Variants in TUBB8 observed in about 807,000 individuals in gnomAD.
TUBB8 encodes the protein tubulin beta-8 chain.
Under a neutral mutation model 33.7 loss-of-function variants are expected in TUBB8, and 25 were observed. That is an observed-to-expected ratio of 0.74 (90% CI 0.54 to 1.04). The LOEUF (loss-of-function observed/expected upper bound fraction) is 1.04, where lower values mean the gene tolerates loss of function less well. Ranked by LOEUF, TUBB8 falls within the 50% of genes least tolerant of loss-of-function variation. The probability of loss-of-function intolerance (pLI) is 0.00; values close to 1 mark genes in which losing one functional copy is unlikely to be tolerated. For synonymous variants in TUBB8, 245 were observed against 240.1 expected, an observed-to-expected ratio of 1.02 and a Z score of -0.19; for missense variants, 279 against 608.0, an observed-to-expected ratio of 0.46 and a Z score of 5.69.
chr10:49,334 G>T (rs1588273123), upstream of TUBB8: 14 of 1,281,074 alleles, frequency 1.1e-5, no homozygotes, highest in Non-Finnish European at 1.3e-5. Flanking sequence ...AAATAGCCCC[G>T]CGCCCACCTC....
rs1554738922 is a variant in TUBB8, at chr10:48,914, T to C, written c.58-2A>G. 2 of 1,522,228 alleles carry C rather than the reference T, an allele frequency of 1.3e-6. No homozygotes were observed. Among genetic ancestry groups the C allele is most frequent in the Non-Finnish European group, 1.8e-6 (2 of 1,127,808 alleles). The allele number at this position is 1,522,228 out of a possible 1,614,324, so 94.3% of individuals were successfully genotyped here. A position where few individuals can be genotyped will look rare whatever the true frequency, so the allele number is the denominator to read the frequency against. ...TTCATCAGAGATCACCTCCCAGAAC[T>C]GCAAGAGACGGGAGGAGACAGACAG... is the stretch of plus-strand genomic sequence containing the variant. On this transcript the variant is annotated splice_acceptor_variant, in intron 1 of 3. Coordinates refer to ENST00000568584, the MANE Select transcript of TUBB8 (RefSeq NM_177987.3). LOFTEE classifies it high-confidence loss of function.
intron 1 of TUBB8, among the ~76,000 whole-genome samples, chr10:56,439 T>A (rs1163872911): frequency 6.6e-6 from 1 of 152,242 alleles, no homozygotes; most frequent in Non-Finnish European, 1.5e-5. Context: ...ATAAAGGAAA[T>A]AGGTTTCATT....
intron 1 of TUBB8, among the ~76,000 whole-genome samples, chr10:68,255 C>T (rs1409000646): frequency 2.0e-5 from 3 of 152,220 alleles, no homozygotes; most frequent in African/African-American, 7.2e-5. Context: ...TCATGACACT[C>T]CTAAGACTCA....
intron 1 of TUBB8, among the ~76,000 whole-genome samples, chr10:62,285 T>C (rs1254213623): frequency 1.3e-5 from 2 of 152,264 alleles, no homozygotes; most frequent in Non-Finnish European, 2.9e-5. Flanking sequence ...AAAATTATCA[T>C]GAGGCTTGAA....
chr10:60,134 T>C (rs1359845458), intron 1 of TUBB8, among the ~76,000 whole-genome samples: 1 of 152,178 alleles, frequency 6.6e-6, no homozygotes, highest in African/African-American at 2.4e-5. Context: ...TTTATTATTC[T>C]TTTCTTCTAA....
rs1332675141 is a variant in TUBB8 at position 47,407 on chromosome 10, G to A, written c.985C>T (p.Gln329Ter). 3 of 1,612,330 alleles carry A rather than the reference G, an allele frequency of 1.9e-6. No individual in the cohort carries two copies. Among genetic ancestry groups the A allele is most frequent in the African/African-American group, 1.3e-5 (1 of 74,872 alleles). ...TTCTTATCTTGAATGTTGAACATTT[G>A]TTCATCCACCTCCCTCATGGGCATG... ...GRMPMREVDE[Q>*]MFNIQDKNSS... The change falls in exon 4 of 4, where the codon CAA becomes TAA. Residue 329 changes from glutamine (Q) to a stop codon, truncating the protein, a stop_gained. Coordinates refer to ENST00000568584, the MANE Select transcript of TUBB8 (RefSeq NM_177987.3). LOFTEE classifies it high-confidence loss of function.
At chr10:74,625 C>CAAAAAAAAAAAAA (rs35723619), upstream of TUBB8, among the ~76,000 whole-genome samples, 7 of 89,676 alleles carry the variant, frequency 7.8e-5, no homozygotes, top group African/African-American at 1.8e-4. Context: ...GACTCAGTAT[C>CAAAAAAAAAAAAA]AAAAAAAAAA....
upstream of TUBB8, among the ~76,000 whole-genome samples, chr10:50,494 T>G (rs4266997): frequency 1.3e-5 from 2 of 151,268 alleles, no homozygotes; most frequent in African/African-American, 4.9e-5. Flanking sequence ...GCCTTGGCTG[T>G]GGCATCTACA....
intron 1 of TUBB8, among the ~76,000 whole-genome samples, chr10:56,969 C>T (rs1834539208): frequency 6.6e-6 from 1 of 152,024 alleles, no homozygotes; most frequent in Non-Finnish European, 1.5e-5. Flanking sequence ...TTAAGTACTT[C>T]CAAGATAAAA....
chr10:47,806 C>A lies in TUBB8; in HGVS notation c.586G>T (p.Ala196Ser). The change falls in exon 4 of 4, where the codon GCA becomes TCA. Residue 196 changes from alanine to serine, a missense_variant. Transcript: ENST00000568584. ...TTATCTATGCAAAAGGTCTCATCTGCGTTTTCTATGAGCTGGTGGACTGAG... is the reference window on the plus strand; with the variant it reads ...TTATCTATGCAAAAGGTCTCATCTGAGTTTTCTATGAGCTGGTGGACTGAG... ...TLSVHQLIEN[A>S]DETFCIDNEA... 1 of 1,614,188 alleles carries A rather than the reference C, an allele frequency of 6.2e-7. No homozygotes were observed. Among genetic ancestry groups the A allele is most frequent in the Non-Finnish European group, 8.5e-7 (1 of 1,180,024 alleles).
At chr10:51,131 G>GTTTA (rs1223405061), upstream of TUBB8, among the ~76,000 whole-genome samples, 2 of 152,124 alleles carry the variant, frequency 1.3e-5, no homozygotes, top group Admixed American at 6.5e-5. Context: ...AGATCTGATG[G>GTTTA]TTTATTTATT....
Position 47,273 on chromosome 10 carries a change from G to A in TUBB8, c.1119C>T (p.Ala373=). 3.1e-6 allele frequency: 5 copies of A among 1,613,826 alleles called. No homozygotes were observed. Among genetic ancestry groups the A allele is most frequent in the Non-Finnish European group, 4.2e-6 (5 of 1,180,008 alleles). ...AGACACGCTTGAAGAGTTCCTGGAT[G>A]GCCGTATTATTCCCAATGAAGGTGG... The part of the protein sequence containing the change: ...MSATFIGNNT[A]IQELFKRVSE... The change falls in exon 4 of 4, where the codon GCC becomes GCT. Residue 373 remains alanine (A), a synonymous_variant. Coordinates refer to ENST00000568584, the MANE Select transcript of TUBB8 (RefSeq NM_177987.3).
Position 47,368 on chromosome 10 carries a change from C to A in TUBB8, c.1024G>T (p.Ala342Ser). 1 of 1,612,978 alleles carries A rather than the reference C, an allele frequency of 6.2e-7. No homozygotes were observed. The highest frequency in any genetic ancestry group is 8.5e-7 in the Non-Finnish European group (1 of 1,179,960). ...TTTACGTTGTTGGGGAGCCAGTCAG[C>A]AAAGTAACTGCTGTTCTTATCTTGA... is the stretch of plus-strand genomic sequence containing the variant. ...NIQDKNSSYF[A>S]DWLPNNVKTA... The change falls in exon 4 of 4, where the codon GCT becomes TCT. Residue 342 changes from alanine to serine, a missense_variant. Physicochemically the swap from Ala to Ser is moderately conservative, Grantham distance 99 (BLOSUM62 1). This residue lies in a region of TUBB8 where 123 missense variants were observed against 228.9 expected (regional missense o/e 0.54). Coordinates refer to ENST00000568584, the MANE Select transcript of TUBB8 (RefSeq NM_177987.3).
intron 1 of TUBB8, among the ~76,000 whole-genome samples, chr10:54,373 ATTCT>A (rs1834504456): frequency 6.6e-6 from 1 of 151,526 alleles, no homozygotes; most frequent in Non-Finnish European, 1.5e-5. Flanking sequence ...ACAGACTCTC[ATTCT>A]TTCTTATAGC....
chr10:54,648 AT>A (rs763462013), intron 1 of TUBB8, among the ~76,000 whole-genome samples: 63 of 152,180 alleles, frequency 4.1e-4, no homozygotes, highest in Non-Finnish European at 9.3e-4. Context: ...GTCCAATTAA[AT>A]TTTTGTCCAC....
chr10:71,010 C>G (rs1399470040), intron 1 of TUBB8, among the ~76,000 whole-genome samples: 4 of 151,880 alleles, frequency 2.6e-5, no homozygotes, highest in Non-Finnish European at 5.9e-5. Flanking sequence ...TAGAGATCCC[C>G]ATCAAAAAAG....
intron 1 of TUBB8, among the ~76,000 whole-genome samples, chr10:61,640 T>C (rs1456025682): frequency 1.3e-5 from 2 of 152,248 alleles, no homozygotes; most frequent in East Asian, 1.9e-4. Flanking sequence ...AGATTAAGTC[T>C]GATGTTTCTT....
Position 47,459 on chromosome 10 carries a change from T to C in TUBB8, c.933A>G (p.Leu311=), listed in dbSNP as rs781821626. Residue 311 remains leucine, a synonymous_variant, in exon 4 of 4, where the codon CTA becomes CTG. Transcript: ENST00000568584. ...AACDPRHGRY[L]TAAAIFRGRM... ...GACCCCTGAAAATGGCAGCCGCCGT[T>C]AGGTAGCGGCCGTGACGGGGGTCAC... 3 of 1,612,346 alleles carry C rather than the reference T, an allele frequency of 1.9e-6. No individual in the cohort carries two copies. The highest frequency in any genetic ancestry group is 2.2e-5 in the East Asian group (1 of 44,886).
chr10:54,977 T>G (rs1252346485), intron 1 of TUBB8, among the ~76,000 whole-genome samples: 1 of 152,208 alleles, frequency 6.6e-6, no homozygotes, highest in African/African-American at 2.4e-5. Flanking sequence ...AGGCTGGTCT[T>G]GAACTCCTGA....
Sources: allele counts gnomAD v4.1 joint callset (sites outside exome capture counted in the v4.1 genomes callset), GRCh38; gene constraint gnomAD v4.1.1; regional missense constraint gnomAD v4.1.1; transcripts MANE v1.5; gene names NCBI Gene and HGNC (gene_info 2026-07-23, HGNC 2026-07-21).